Variants in AUTS2 observed in about 807,000 individuals in gnomAD.
AUTS2 encodes autism susceptibility gene 2 protein.
AUTS2 carries 17 observed loss-of-function variants against 112.4 expected under a neutral mutation model. The ratio of observed to expected loss-of-function variants is 0.15; its 90% CI spans 0.10 to 0.23. The LOEUF is 0.23. Ranked by LOEUF, AUTS2 falls within the 10% of genes least tolerant of loss-of-function variation. AUTS2 has a pLI of 1.00. For synonymous variants in AUTS2, 751 were observed against 702.7 expected (o/e 1.07, Z -1.09); for missense variants, 1,510 against 1,701.6 (o/e 0.89, Z 1.98).
At chr7:70,419,071 C>T (rs1449209755) in intron 4 of AUTS2, among the ~76,000 whole-genome samples, 5 of 152,092 alleles carry the variant, frequency 3.3e-5, no homozygotes, top group Admixed American at 3.3e-4. Flanking sequence ...GTGACTCACC[C>T]AAGGTCACTT....
intron 4 of AUTS2, among the ~76,000 whole-genome samples, chr7:70,224,427 TAAAA>T (rs1811661109): frequency 1.3e-5 from 2 of 151,774 alleles, no homozygotes; most frequent in African/African-American, 4.8e-5. Flanking sequence ...TACAATTTAA[TAAAA>T]GAAAGGTTAT....
At chr7:70,582,327 C>A (rs1802490100) in intron 5 of AUTS2, among the ~76,000 whole-genome samples, 1 of 152,178 alleles carries the variant, frequency 6.6e-6, no homozygotes, top group Non-Finnish European at 1.5e-5. Flanking sequence ...CCCTTCCTTC[C>A]ACGTCAAGCT....
intron 4 of AUTS2, among the ~76,000 whole-genome samples, chr7:70,163,341 T>TCGTGGGGGGGGGGGGGGG (rs1808197796): frequency 3.6e-4 from 1 of 2,762 alleles, no homozygotes; most frequent in Non-Finnish European, 9.3e-4. Context: ...TAGGTTGTGG[T>TCGTGGGGGGGGGGGGGGG]GGTGGGGGGG....
chr7:70,427,636 T>C (rs1795489614), intron 4 of AUTS2, among the ~76,000 whole-genome samples: 1 of 152,220 alleles, frequency 6.6e-6, no homozygotes, highest in African/African-American at 2.4e-5. Flanking sequence ...AACTTCAAGT[T>C]TGGACAACCT....
intron 4 of AUTS2, among the ~76,000 whole-genome samples, chr7:70,354,448 C>T (rs1006274603): frequency 1.3e-5 from 2 of 152,180 alleles, no homozygotes; most frequent in African/African-American, 4.8e-5. Context: ...TACTCTGTGC[C>T]AGGCTTTGTC....
intron 4 of AUTS2, among the ~76,000 whole-genome samples, chr7:70,344,891 G>T (rs1357154361): frequency 6.6e-6 from 1 of 152,176 alleles, no homozygotes; most frequent in East Asian, 1.9e-4. Flanking sequence ...AGGAAAACAT[G>T]CAAGAAAAGA....
At chr7:70,270,449 T>A (rs1787636958) in intron 4 of AUTS2, among the ~76,000 whole-genome samples, 1 of 152,142 alleles carries the variant, frequency 6.6e-6, no homozygotes, top group Non-Finnish European at 1.5e-5. Flanking sequence ...AAGTTGAACA[T>A]TTAGGAGTGT....
intron 1 of AUTS2, among the ~76,000 whole-genome samples, chr7:69,744,933 T>C (rs554527611): frequency 5.3e-5 from 8 of 152,206 alleles, no homozygotes; most frequent in Non-Finnish European, 1.2e-4. Context: ...TTTGCTGTTA[T>C]CCTGTTGTGC....
rs1021431084 is a variant in AUTS2 at position 70,792,004 on chromosome 7, A to C, written c.*1008A>C. 6.6e-6 allele frequency: 1 copy of C among 152,620 alleles called. No individual in the cohort carries two copies. Among genetic ancestry groups the C allele is most frequent in the Non-Finnish European group, 1.5e-5 (1 of 68,042 alleles). The allele number at this position is 152,620 out of a possible 1,614,324, so 9.5% of individuals were successfully genotyped here. A position where few individuals can be genotyped will look rare whatever the true frequency, so the allele number is the denominator to read the frequency against. On this transcript the variant is annotated 3_prime_UTR_variant, in exon 19 of 19. Coordinates refer to ENST00000342771, the MANE Select transcript of AUTS2 (RefSeq NM_015570.4). ...TGCCTTTTTTAGTGTGTCCTATTTC[A>C]TACCTGTACACACTTCCTCGTTTTG... is the stretch of plus-strand genomic sequence containing the variant.
intron 1 of AUTS2, among the ~76,000 whole-genome samples, chr7:69,730,473 C>T (rs1274726194): frequency 1.3e-5 from 2 of 152,126 alleles, no homozygotes; most frequent in Non-Finnish European, 2.9e-5. Flanking sequence ...ATGCCCTCTC[C>T]TTACCTGCTG....
chr7:69,973,257 T>C (rs1382646341), intron 2 of AUTS2, among the ~76,000 whole-genome samples: 1 of 152,242 alleles, frequency 6.6e-6, no homozygotes, highest in African/African-American at 2.4e-5. Flanking sequence ...AGAATACAAC[T>C]TATTTTCAAA....
At chr7:70,380,756 C>T (rs1275354055) in intron 4 of AUTS2, among the ~76,000 whole-genome samples, 1 of 152,222 alleles carries the variant, frequency 6.6e-6, no homozygotes, top group Non-Finnish European at 1.5e-5. Context: ...CAGGAGGGAG[C>T]AGAGCTCCCC....
chr7:70,738,206 G>C (rs767415826), intron 6 of AUTS2, among the ~76,000 whole-genome samples: 2 of 152,046 alleles, frequency 1.3e-5, no homozygotes, highest in Non-Finnish European at 2.9e-5. Flanking sequence ...AAAAATGCTG[G>C]GAGTGGCAGT....
chr7:69,808,478 A>G (rs376589863), intron 1 of AUTS2, among the ~76,000 whole-genome samples: 29 of 152,312 alleles, frequency 1.9e-4, no homozygotes, highest in African/African-American at 6.3e-4. Context: ...AGCATTCTAA[A>G]TATTTGAGGT....
chr7:69,973,753 T>C (rs1797948493), intron 2 of AUTS2, among the ~76,000 whole-genome samples: 3 of 152,182 alleles, frequency 2.0e-5, no homozygotes, highest in Admixed American at 6.5e-5. Context: ...TTTTCAGATA[T>C]TGAACCATTC....
chr7:70,451,244 GTTGAATAAC>G (rs1461323203), intron 5 of AUTS2, among the ~76,000 whole-genome samples: 1 of 152,096 alleles, frequency 6.6e-6, no homozygotes, highest in Non-Finnish European at 1.5e-5. Flanking sequence ...GAAGGCAAGA[GTTGAATAAC>G]TATTGGGTAC....
chr7:70,558,915 G>T (rs1801361464), intron 5 of AUTS2, among the ~76,000 whole-genome samples: 1 of 152,162 alleles, frequency 6.6e-6, no homozygotes. Context: ...ACCTTTGAAG[G>T]CCATGCCATC....
chr7:69,660,445 C>T (rs1006183602), intron 1 of AUTS2, among the ~76,000 whole-genome samples: 1 of 152,014 alleles, frequency 6.6e-6, no homozygotes, highest in Non-Finnish European at 1.5e-5. Flanking sequence ...AGAGGAAAAA[C>T]AAAACAAGGG....
intron 1 of AUTS2, among the ~76,000 whole-genome samples, chr7:69,744,937 G>T (rs757730698): frequency 1.3e-5 from 2 of 152,210 alleles, no homozygotes; most frequent in Non-Finnish European, 2.9e-5. Flanking sequence ...CTGTTATCCT[G>T]TTGTGCACCC....
Sources: gnomAD v4.1 joint callset for allele counts (sites outside exome capture counted in the v4.1 genomes callset) on GRCh38, gnomAD v4.1.1 for gene constraint, MANE v1.5 for transcripts, NCBI Gene and HGNC (gene_info 2026-07-23, HGNC 2026-07-21) for gene names.